Variants in SUPT3H observed in about 807,000 individuals in gnomAD.
The protein encoded by SUPT3H is transcription initiation protein SPT3 homolog.
Under a neutral mutation model 44.3 loss-of-function variants are expected in SUPT3H, and 44 were observed. That is an observed-to-expected ratio of 0.99 (90% CI 0.78 to 1.28). The LOEUF is 1.28. Ranked by LOEUF, SUPT3H falls within the 50% of genes most tolerant of loss-of-function variation. The pLI is 0.00. For missense variants in SUPT3H, 380 were observed against 387.1 expected (o/e 0.98, Z 0.15); for synonymous variants, 124 against 125.6 (o/e 0.99, Z 0.09).
intron 2 of SUPT3H, among the ~76,000 whole-genome samples, chr6:45,242,283 C>T (rs916939944): frequency 3.3e-5 from 5 of 152,126 alleles, no homozygotes; most frequent in African/African-American, 1.2e-4. Flanking sequence ...AGCCAAAGTT[C>T]AAGAGACAGA....
At chr6:44,898,124 C>T (rs1288758749) in intron 10 of SUPT3H, among the ~76,000 whole-genome samples, 1 of 152,098 alleles carries the variant, frequency 6.6e-6, no homozygotes. Context: ...TCCTTTGAGG[C>T]CTTTTGTTAA....
At chr6:45,058,488 C>T (rs1791478457) in intron 3 of SUPT3H, among the ~76,000 whole-genome samples, 1 of 152,044 alleles carries the variant, frequency 6.6e-6, no homozygotes, top group African/African-American at 2.4e-5. Context: ...ATGCAAAGTA[C>T]TTAGTACAGT....
At chr6:45,292,119 A>T (rs1780407239) in intron 2 of SUPT3H, among the ~76,000 whole-genome samples, 2 of 152,264 alleles carry the variant, frequency 1.3e-5, no homozygotes, top group African/African-American at 4.8e-5. Flanking sequence ...GCTAGGAGGG[A>T]TTGGGGCCCT....
At chr6:44,872,767 A>T (rs1330254363) in intron 10 of SUPT3H, among the ~76,000 whole-genome samples, 1 of 50,378 alleles carries the variant, frequency 2.0e-5, no homozygotes, top group Non-Finnish European at 4.4e-5. Context: ...TCACGTGCAG[A>T]GACACACATA....
chr6:44,939,068 C>T (rs567666768), intron 9 of SUPT3H, among the ~76,000 whole-genome samples: 133 of 151,884 alleles, frequency 8.8e-4, no homozygotes, highest in Non-Finnish European at 1.6e-3. Context: ...TTTCTTTCTC[C>T]TGCTTTATTG....
chr6:45,197,414 T>C (rs1378396700), intron 2 of SUPT3H, among the ~76,000 whole-genome samples: 4 of 151,554 alleles, frequency 2.6e-5, no homozygotes, highest in Non-Finnish European at 5.9e-5. Context: ...CTGTTTTACA[T>C]GGTGTTTCTT....
At chr6:45,152,349 A>T (rs1314672221) in intron 2 of SUPT3H, among the ~76,000 whole-genome samples, 13 of 151,998 alleles carry the variant, frequency 8.6e-5, no homozygotes, top group Non-Finnish European at 1.6e-4. Flanking sequence ...AATGCAATCA[A>T]TTTTCACATC....
At chr6:44,988,511 G>A (rs1780131929) in intron 6 of SUPT3H, among the ~76,000 whole-genome samples, 2 of 96,254 alleles carry the variant, frequency 2.1e-5, no homozygotes, top group African/African-American at 4.0e-5. Context: ...ATGTATGAAA[G>A]GCTTAAATAA....
chr6:45,274,256 G>A lies in SUPT3H; in HGVS notation c.101+90945C>T, dbSNP rs566510427. ...GAGTGAACTGTGCTTTTATCGTCTT[G>A]AAAGTGTCCTTAAAATACAAAAACT... On this transcript the variant is annotated intron_variant, in intron 2 of 10. Transcript: ENST00000371459. 3.6e-4 allele frequency among the ~76,000 whole-genome samples: 55 copies of A among 152,232 alleles called. 1 individual carries two copies. In the South Asian group the frequency reaches 0.01, roughly 29 times the overall value.
intron 10 of SUPT3H, among the ~76,000 whole-genome samples, chr6:44,886,654 T>A: frequency 6.6e-6 from 1 of 152,090 alleles, no homozygotes. Context: ...TACCAGCCAC[T>A]GCAAAATCAT....
At chr6:45,188,285 T>C (rs1440054831) in intron 2 of SUPT3H, among the ~76,000 whole-genome samples, 2 of 152,222 alleles carry the variant, frequency 1.3e-5, no homozygotes, top group Non-Finnish European at 2.9e-5. Context: ...AGGAAAGAAA[T>C]CTTATGCTGA....
intron 2 of SUPT3H, among the ~76,000 whole-genome samples, chr6:45,284,838 A>C (rs1053779293): frequency 3.9e-5 from 6 of 151,916 alleles, no homozygotes; most frequent in African/African-American, 1.2e-4. Context: ...CGATACAAAA[A>C]TACAACAAAA....
intron 2 of SUPT3H, among the ~76,000 whole-genome samples, chr6:45,240,419 C>G (rs1036798384): frequency 2.6e-5 from 4 of 152,066 alleles, no homozygotes; most frequent in Non-Finnish European, 4.4e-5. Flanking sequence ...GGCAATAATG[C>G]CTGGATGTAA....
At chr6:44,830,289 T>G (rs1404555559) in intron 10 of SUPT3H, among the ~76,000 whole-genome samples, 1 of 152,148 alleles carries the variant, frequency 6.6e-6, no homozygotes, top group African/African-American at 2.4e-5. Context: ...ATAGTCTGAG[T>G]GAAAAGCTGT....
intron 1 of SUPT3H, among the ~76,000 whole-genome samples, chr6:45,375,653 CT>C (rs1369286654): frequency 1.3e-5 from 2 of 152,150 alleles, no homozygotes; most frequent in Non-Finnish European, 2.9e-5. Context: ...AAGAGATCCT[CT>C]GGCCTCAGCC....
intron 2 of SUPT3H, among the ~76,000 whole-genome samples, chr6:45,132,396 T>C (rs1803609160): frequency 6.6e-6 from 1 of 152,184 alleles, no homozygotes; most frequent in Admixed American, 6.5e-5. Flanking sequence ...TTAAACCTAC[T>C]TTTAAACATT....
chr6:45,289,115 T>TTAACCATC (rs1440051836), intron 2 of SUPT3H, among the ~76,000 whole-genome samples: 1 of 152,184 alleles, frequency 6.6e-6, no homozygotes, highest in Non-Finnish European at 1.5e-5. Flanking sequence ...TATTCCATGT[T>TTAACCATC]TAACCATCTT....
intron 2 of SUPT3H, among the ~76,000 whole-genome samples, chr6:45,264,443 T>G (rs1226177751): frequency 1.3e-5 from 2 of 152,112 alleles, no homozygotes; most frequent in Non-Finnish European, 2.9e-5. Flanking sequence ...GTGGATCACT[T>G]GAGATCAGGA....
intron 10 of SUPT3H, among the ~76,000 whole-genome samples, chr6:44,902,540 C>T (rs472673): frequency 0.39 from 59,667 of 151,798 alleles, 12,696 homozygotes; most frequent in Non-Finnish European, 0.48. Context: ...AGCAAGTCCT[C>T]AGAGACCTAC....
Sources: gnomAD v4.1 joint callset for allele counts (sites outside exome capture counted in the v4.1 genomes callset) on GRCh38, gnomAD v4.1.1 for gene constraint, MANE v1.5 for transcripts, NCBI Gene and HGNC (gene_info 2026-07-23, HGNC 2026-07-21) for gene names.